RAB10: variants seen among roughly 807,000 people sequenced by gnomAD.
RAB10 encodes the protein RAB10, member RAS oncogene family, also known as ras-related protein Rab-10.
In RAB10, 5 loss-of-function variants were observed where a neutral mutation model predicts 25.7. The observed-to-expected ratio is 0.19, with a 90% CI of 0.10 to 0.41. The LOEUF (loss-of-function observed/expected upper bound fraction) is 0.41. Ranked by LOEUF, RAB10 falls within the 10% of genes least tolerant of loss-of-function variation. The probability of loss-of-function intolerance (pLI) is 1.00; values close to 1 mark genes in which losing one functional copy is unlikely to be tolerated. For missense variants in RAB10, 103 were observed against 245.8 expected (o/e 0.42, Z 3.89); for synonymous variants, 89 against 86.4 (o/e 1.03, Z -0.16).
At chr2:26,076,925 C>CA (rs1244198497) in intron 1 of RAB10, among the ~76,000 whole-genome samples, 3 of 109,572 alleles carry the variant, frequency 2.7e-5, no homozygotes, top group African/African-American at 7.2e-5. Context: ...GCCTGGGGGA[C>CA]AAGAGCGAGG....
intron 1 of RAB10, among the ~76,000 whole-genome samples, chr2:26,066,915 T>C (rs1036765356): frequency 5.9e-5 from 9 of 151,810 alleles, no homozygotes; most frequent in Non-Finnish European, 1.2e-4. Flanking sequence ...CTTGAGTAGC[T>C]GGGACTACAG....
At chr2:26,111,743 A>G (rs761768356) in intron 3 of RAB10, among the ~76,000 whole-genome samples, 3 of 152,222 alleles carry the variant, frequency 2.0e-5, no homozygotes, top group Non-Finnish European at 4.4e-5. Context: ...ACAACCACCA[A>G]TTCTCTGATT....
chr2:26,065,693 C>A (rs1666498620), intron 1 of RAB10, among the ~76,000 whole-genome samples: 1 of 152,146 alleles, frequency 6.6e-6, no homozygotes, highest in Admixed American at 6.5e-5. Context: ...CCAAAAATAT[C>A]ATTGACATGT....
At chr2:26,119,791 T>C (rs549664688) in intron 3 of RAB10, among the ~76,000 whole-genome samples, 2 of 152,224 alleles carry the variant, frequency 1.3e-5, no homozygotes, top group South Asian at 4.1e-4. Flanking sequence ...AATGTTGGGA[T>C]TATACACATG....
intron 1 of RAB10, among the ~76,000 whole-genome samples, chr2:26,044,797 C>T (rs189106920): frequency 2.8e-4 from 38 of 138,094 alleles, no homozygotes; most frequent in Middle Eastern, 3.5e-3. Flanking sequence ...CCACCTGCCT[C>T]GGCCTCCCAA....
At chr2:26,037,109 T>C (rs1359929743) in intron 1 of RAB10, among the ~76,000 whole-genome samples, 1 of 152,110 alleles carries the variant, frequency 6.6e-6, no homozygotes, top group Non-Finnish European at 1.5e-5. Flanking sequence ...TTAGGAACAG[T>C]GTGGAGTAGG....
At chr2:26,067,454 C>T (rs181803968) in intron 1 of RAB10, among the ~76,000 whole-genome samples, 125 of 152,298 alleles carry the variant, frequency 8.2e-4, no homozygotes, top group African/African-American at 2.8e-3. Flanking sequence ...ATGTTTCCTA[C>T]TGATCTCACT....
chr2:26,065,548 C>A (rs1666496846), intron 1 of RAB10, among the ~76,000 whole-genome samples: 1 of 151,898 alleles, frequency 6.6e-6, no homozygotes, highest in Admixed American at 6.6e-5. Context: ...TTGAATATTT[C>A]CAACTGATTA....
chr2:26,118,159 G>T (rs1200469770), intron 3 of RAB10, among the ~76,000 whole-genome samples: 1 of 152,048 alleles, frequency 6.6e-6, no homozygotes, highest in Admixed American at 6.6e-5. Flanking sequence ...TTTTAGTAGA[G>T]ACGGGGTTTC....
intron 2 of RAB10, among the ~76,000 whole-genome samples, chr2:26,099,106 A>G (rs2149280280): frequency 6.6e-6 from 1 of 152,214 alleles, no homozygotes; most frequent in Middle Eastern, 3.4e-3. Context: ...TATGGGCATT[A>G]TTTTTATTAG....
chr2:26,050,500 G>A (rs917005914), intron 1 of RAB10, among the ~76,000 whole-genome samples: 23 of 152,228 alleles, frequency 1.5e-4, no homozygotes, highest in African/African-American at 5.5e-4. Context: ...TGGGTACTGG[G>A]TGGGCCTTTC....
At chr2:26,086,449 G>T (rs1216380962) in intron 1 of RAB10, among the ~76,000 whole-genome samples, 2 of 152,188 alleles carry the variant, frequency 1.3e-5, no homozygotes, top group African/African-American at 4.8e-5. Flanking sequence ...AACACAAAAG[G>T]AAAGTAACAA....
intron 1 of RAB10, among the ~76,000 whole-genome samples, chr2:26,043,555 G>T (rs1418948266): frequency 1.3e-5 from 2 of 152,194 alleles, no homozygotes; most frequent in African/African-American, 2.4e-5. Context: ...ACAAAATGTG[G>T]TATACACATA....
At chr2:26,074,080 T>A (rs1666683825) in intron 1 of RAB10, among the ~76,000 whole-genome samples, 1 of 152,172 alleles carries the variant, frequency 6.6e-6, no homozygotes, top group Non-Finnish European at 1.5e-5. Flanking sequence ...ATGAAAGGCA[T>A]CTTATATTAA....
At chr2:26,110,413 C>T (rs1411841206) in intron 3 of RAB10, among the ~76,000 whole-genome samples, 1 of 151,892 alleles carries the variant, frequency 6.6e-6, no homozygotes, top group African/African-American at 2.4e-5. Flanking sequence ...TATCTAGAGC[C>T]CCATTCAAGA....
At chr2:26,089,222 C>A (rs1667052693) in intron 1 of RAB10, among the ~76,000 whole-genome samples, 1 of 151,780 alleles carries the variant, frequency 6.6e-6, no homozygotes, top group East Asian at 2.0e-4. Flanking sequence ...GTCAGGAGTT[C>A]AAGACCAGCC....
At chr2:26,108,223 T>C (rs1667504816) in intron 2 of RAB10, among the ~76,000 whole-genome samples, 1 of 152,180 alleles carries the variant, frequency 6.6e-6, no homozygotes, top group African/African-American at 2.4e-5. Flanking sequence ...CGAACTTTGT[T>C]ATAGCCAAAA....
At chr2:26,105,731 T>C (rs1574554520) in intron 2 of RAB10, among the ~76,000 whole-genome samples, 1 of 152,212 alleles carries the variant, frequency 6.6e-6, no homozygotes, top group South Asian at 2.1e-4. Flanking sequence ...CATAATGATA[T>C]TTTAGTCAGT....
chr2:26,098,340 T>C (rs1667271880), intron 1 of RAB10, among the ~76,000 whole-genome samples: 1 of 152,144 alleles, frequency 6.6e-6, no homozygotes, highest in Non-Finnish European at 1.5e-5. Context: ...GGTTTCACCA[T>C]GTGCCCAGGC....
Sources: gnomAD v4.1 joint callset for allele counts (sites outside exome capture counted in the v4.1 genomes callset) on GRCh38, gnomAD v4.1.1 for gene constraint, MANE v1.5 for transcripts, NCBI Gene and HGNC (gene_info 2026-07-23, HGNC 2026-07-21) for gene names.